Variants in CNTNAP2 observed in about 807,000 individuals in gnomAD.
CNTNAP2 encodes the protein contactin-associated protein-like 2.
CNTNAP2 carries 98 observed loss-of-function variants against 155.2 expected under a neutral mutation model. That is an observed-to-expected ratio of 0.63 (90% confidence interval 0.54 to 0.75). The LOEUF (loss-of-function observed/expected upper bound fraction) is 0.75. Among genes scored for constraint, CNTNAP2 ranks in the 30% least tolerant of loss-of-function variants. The pLI, the probability that CNTNAP2 is intolerant of heterozygous loss-of-function variation, is 0.00. For synonymous variants in CNTNAP2, 651 were observed against 631.2 expected (o/e 1.03, Z -0.47); for missense variants, 1,727 against 1,688.1 (o/e 1.02, Z -0.40).
chr7:147,178,223 G>A (rs1414902466), intron 8 of CNTNAP2, among the ~76,000 whole-genome samples: 1 of 152,120 alleles, frequency 6.6e-6, no homozygotes. Context: ...TCAAAACGGA[G>A]ACTGTTTATT....
chr7:146,149,559 A>AAATTT (rs888290386), intron 1 of CNTNAP2, among the ~76,000 whole-genome samples: 21 of 152,132 alleles, frequency 1.4e-4, no homozygotes, highest in African/African-American at 5.1e-4. Flanking sequence ...ATAAACAAAT[A>AAATTT]GACTAAAAGA....
At chr7:146,200,555 G>A (rs915583915) in intron 1 of CNTNAP2, among the ~76,000 whole-genome samples, 4 of 151,692 alleles carry the variant, frequency 2.6e-5, no homozygotes, top group African/African-American at 9.7e-5. Flanking sequence ...TATATACTGT[G>A]TTTTTACTAT....
At position 147,507,709 on chromosome 7, in the gene CNTNAP2, C is replaced by T. The variant is rs558204983; in HGVS notation, c.1777+21668C>T. Reference sequence around the variant, plus strand: ...CTGGGACTACAGGTGTCTGCCACCACGCGCGGCTAATTTTTTGTATTTTTT... The same window carrying T: ...CTGGGACTACAGGTGTCTGCCACCATGCGCGGCTAATTTTTTGTATTTTTT... On this transcript the variant is annotated intron_variant, in intron 11 of 23. Coordinates refer to ENST00000361727, the MANE Select transcript of CNTNAP2 (RefSeq NM_014141.6). 1.1e-4 allele frequency among the ~76,000 whole-genome samples: 17 copies of T among 151,820 alleles called. 1 individual carries two copies. The South Asian group carries it at 2.3e-3, about 21-fold the overall frequency.
chr7:146,311,607 C>CAAAAAAAAAAAAAAA (rs71175646), intron 1 of CNTNAP2: 3 of 38,932 alleles, frequency 7.7e-5, no homozygotes, highest in African/African-American at 7.1e-5. Context: ...CTTGTCTTTA[C>CAAAAAAAAAAAAAAA]AAAAAAAAAA....
chr7:147,281,539 T>A (rs764267520), intron 8 of CNTNAP2, among the ~76,000 whole-genome samples: 6 of 151,690 alleles, frequency 4.0e-5, no homozygotes, highest in Non-Finnish European at 8.8e-5. Flanking sequence ...ATAACTACAA[T>A]CCTCATGAAT....
At chr7:146,492,130 C>T (rs555196791) in intron 1 of CNTNAP2, among the ~76,000 whole-genome samples, 6 of 151,562 alleles carry the variant, frequency 4.0e-5, no homozygotes, top group Admixed American at 2.0e-4. Context: ...ACTTATTTTG[C>T]GAGTTTTCAT....
intron 1 of CNTNAP2, among the ~76,000 whole-genome samples, chr7:146,756,574 T>C (rs1269976805): frequency 2.0e-5 from 3 of 152,148 alleles, no homozygotes; most frequent in Non-Finnish European, 4.4e-5. Flanking sequence ...AAATTCAATA[T>C]ATACACACGG....
chr7:147,611,233 A>G lies in CNTNAP2; in HGVS notation c.1898-27873A>G, dbSNP rs559387369. On this transcript the variant is annotated intron_variant, in intron 12 of 23. Coordinates refer to ENST00000361727, the MANE Select transcript of CNTNAP2 (RefSeq NM_014141.6). ...TTACTTAGCCTCCAAGTTTGAATTC[A>G]AGATCAAAATCTAATTACTGTTACA... is the stretch of plus-strand genomic sequence containing the variant. Among the ~76,000 whole-genome samples the G allele has an allele frequency of 6.6e-5, 10 of 152,298 alleles. No individual in the cohort carries two copies. The East Asian group carries it at 1.9e-3, about 29-fold the overall frequency.
intron 3 of CNTNAP2, among the ~76,000 whole-genome samples, chr7:146,845,747 G>A (rs562544078): frequency 3.9e-5 from 6 of 152,236 alleles, no homozygotes; most frequent in East Asian, 1.9e-4. Context: ...CATAATTTTC[G>A]ATTAACACAT....
chr7:147,694,178 A>G (rs1019793664), intron 13 of CNTNAP2, among the ~76,000 whole-genome samples: 14 of 152,042 alleles, frequency 9.2e-5, no homozygotes, highest in Non-Finnish European at 1.9e-4. Flanking sequence ...TAAATGTTGT[A>G]CCAGTCTTGC....
intron 8 of CNTNAP2, among the ~76,000 whole-genome samples, chr7:147,149,717 A>C (rs1380445910): frequency 6.6e-6 from 1 of 152,160 alleles, no homozygotes; most frequent in Non-Finnish European, 1.5e-5. Flanking sequence ...ACATGGATGG[A>C]TGGATAGATA....
intron 1 of CNTNAP2, among the ~76,000 whole-genome samples, chr7:146,165,848 A>T (rs1462752150): frequency 6.6e-6 from 1 of 152,198 alleles, no homozygotes; most frequent in African/African-American, 2.4e-5. Context: ...ATGATAAAAG[A>T]TGCATTAGGT....
At chr7:146,485,290 A>G (rs1022405330) in intron 1 of CNTNAP2, among the ~76,000 whole-genome samples, 2 of 152,198 alleles carry the variant, frequency 1.3e-5, no homozygotes, top group Admixed American at 1.3e-4. Flanking sequence ...ATGCCACGGC[A>G]GACAGGCAGG....
intron 1 of CNTNAP2, among the ~76,000 whole-genome samples, chr7:146,439,157 C>T (rs1796284697): frequency 6.6e-6 from 1 of 151,490 alleles, no homozygotes; most frequent in African/African-American, 2.5e-5. Flanking sequence ...GCACATTTCT[C>T]CCCAGAGAAG....
chr7:147,924,990 G>A (rs1234675599), intron 14 of CNTNAP2, among the ~76,000 whole-genome samples: 2 of 151,876 alleles, frequency 1.3e-5, no homozygotes, highest in Non-Finnish European at 2.9e-5. Flanking sequence ...TTAGAGGCAC[G>A]AGCCTGTAGT....
At chr7:147,770,421 T>C (rs1232540396) in intron 13 of CNTNAP2, among the ~76,000 whole-genome samples, 2 of 152,218 alleles carry the variant, frequency 1.3e-5, no homozygotes, top group African/African-American at 4.8e-5. Context: ...CAAGGATTTT[T>C]AGTTTCCAAA....
chr7:147,226,195 G>A (rs988206293), intron 8 of CNTNAP2, among the ~76,000 whole-genome samples: 4 of 152,084 alleles, frequency 2.6e-5, no homozygotes, highest in Admixed American at 2.6e-4. Context: ...CAATGTTCTT[G>A]TTAGAGTTAG....
intron 13 of CNTNAP2, among the ~76,000 whole-genome samples, chr7:147,777,717 T>G (rs918894374): frequency 3.9e-5 from 6 of 152,218 alleles, no homozygotes; most frequent in Non-Finnish European, 8.8e-5. Flanking sequence ...ATAAGGGCTT[T>G]TTATGCCTTA....
intron 3 of CNTNAP2, among the ~76,000 whole-genome samples, chr7:146,855,559 GA>G (rs1004159259): frequency 1.3e-5 from 2 of 151,596 alleles, no homozygotes; most frequent in African/African-American, 4.8e-5. Context: ...ATTGTTTAGT[GA>G]AAAAAAGAAA....
Sources: gnomAD v4.1 joint callset for allele counts (sites outside exome capture counted in the v4.1 genomes callset) on GRCh38, gnomAD v4.1.1 for gene constraint, MANE v1.5 for transcripts, NCBI Gene and HGNC (gene_info 2026-07-23, HGNC 2026-07-21) for gene names.